EPHA6: variants seen among roughly 807,000 people sequenced by gnomAD.
EPHA6 encodes the protein EPH receptor A6, also known as ephrin type-A receptor 6.
In EPHA6, 50 loss-of-function variants were observed where a neutral mutation model predicts 112.0. The observed-to-expected ratio is 0.45, with a 90% CI of 0.36 to 0.56. The LOEUF (loss-of-function observed/expected upper bound fraction) is 0.56. EPHA6 is among the 20% of genes least tolerant of loss of function. EPHA6 has a pLI of 0.00. For synonymous variants in EPHA6, 529 were observed against 490.7 expected (o/e 1.08, Z -1.03); for missense variants, 1,280 against 1,417.4 (o/e 0.90, Z 1.56).
At chr3:97,691,639 A>T (rs1238615282) in intron 14 of EPHA6, among the ~76,000 whole-genome samples, 1 of 152,220 alleles carries the variant, frequency 6.6e-6, no homozygotes, top group Admixed American at 6.5e-5. Context: ...ATATTATCAT[A>T]AAATTCTTGC....
chr3:96,896,603 T>C (rs1448029610), intron 2 of EPHA6, among the ~76,000 whole-genome samples: 4 of 152,156 alleles, frequency 2.6e-5, no homozygotes, highest in Admixed American at 2.6e-4. Context: ...TCACGTTGCA[T>C]TGGTGTTACT....
At chr3:97,197,025 C>A (rs1293179854) in intron 3 of EPHA6, among the ~76,000 whole-genome samples, 1 of 152,000 alleles carries the variant, frequency 6.6e-6, no homozygotes, top group Non-Finnish European at 1.5e-5. Flanking sequence ...CTTCACTTAG[C>A]AGGTGACAAA....
rs1366701819 is a variant in EPHA6, at chr3:97,231,785, G to A, written c.1270+5366G>A. On this transcript the variant is annotated intron_variant, in intron 4 of 17. Transcript: ENST00000389672. ...GTATCTCAGGTAATCCCTAGGAGCT[G>A]CCCTCAGAAGAATAGATGAAATGTC... Among the ~76,000 whole-genome samples, 4 of 152,138 alleles carry A rather than the reference G, an allele frequency of 2.6e-5. No individual in the cohort carries two copies. In the East Asian group the frequency reaches 7.7e-4, roughly 29 times the overall value.
intron 11 of EPHA6, among the ~76,000 whole-genome samples, chr3:97,575,010 C>A (rs1487873045): frequency 6.6e-6 from 1 of 151,846 alleles, no homozygotes; most frequent in Non-Finnish European, 1.5e-5. Context: ...CCCCCTGAAT[C>A]TAAAATTTAA....
At position 97,760,094 on chromosome 3, in the gene EPHA6, T is replaced by C. The variant is rs2036121055; in HGVS notation, c.*11393T>C. 5.5e-6 allele frequency: 1 copy of C among 182,492 alleles called. No homozygotes were observed. The highest frequency in any genetic ancestry group is 1.2e-5 in the Non-Finnish European group (1 of 85,778). 11.3% of individuals were successfully genotyped at this position (182,492 alleles called of 1,614,324 possible). A position where few individuals can be genotyped will look rare whatever the true frequency, so the allele number is the denominator to read the frequency against. On this transcript the variant is annotated 3_prime_UTR_variant, in exon 18 of 18. Coordinates refer to ENST00000389672, the MANE Select transcript of EPHA6 (RefSeq NM_001080448.3). ...ATCCTGAAAGATGTATATTGCATAATCAACCTGTCACTTTTTTCAAACACG... is the reference window on the plus strand; with the variant it reads ...ATCCTGAAAGATGTATATTGCATAACCAACCTGTCACTTTTTTCAAACACG...
At chr3:97,532,845 A>G (rs188399978) in intron 11 of EPHA6, among the ~76,000 whole-genome samples, 2 of 152,166 alleles carry the variant, frequency 1.3e-5, no homozygotes, top group Non-Finnish European at 2.9e-5. Flanking sequence ...TGTCAATAGT[A>G]ACAGAACAAA....
At chr3:97,479,114 T>C (rs1264372309) in intron 8 of EPHA6, among the ~76,000 whole-genome samples, 180 bp from the exon 9 acceptor site, 1 of 152,152 alleles carries the variant, frequency 6.6e-6, no homozygotes, top group African/African-American at 2.4e-5. Context: ...CATTTTATTC[T>C]AGGGCTAATT....
chr3:97,058,275 T>G (rs2045912390), intron 3 of EPHA6, among the ~76,000 whole-genome samples: 1 of 151,922 alleles, frequency 6.6e-6, no homozygotes, highest in South Asian at 2.1e-4. Context: ...TAGTATCATC[T>G]AAGAGTAAGG....
At chr3:96,844,868 A>G (rs1277214361) in intron 1 of EPHA6, among the ~76,000 whole-genome samples, 1 of 151,946 alleles carries the variant, frequency 6.6e-6, no homozygotes, top group East Asian at 1.9e-4. Context: ...AGCAGGCATA[A>G]TTGTATTCTA....
intron 5 of EPHA6, among the ~76,000 whole-genome samples, chr3:97,326,848 A>G (rs1029874785): frequency 6.6e-6 from 1 of 152,124 alleles, no homozygotes; most frequent in Non-Finnish European, 1.5e-5. Context: ...CTCTGAAATT[A>G]AATGTGAACG....
intron 3 of EPHA6, among the ~76,000 whole-genome samples, chr3:97,030,039 G>A (rs1030398994): frequency 4.6e-5 from 7 of 152,174 alleles, no homozygotes; most frequent in Admixed American, 2.6e-4. Context: ...AAAGTGACAT[G>A]CAAAAAGACT....
intron 3 of EPHA6, among the ~76,000 whole-genome samples, chr3:97,047,191 A>G (rs557771428): frequency 2.0e-5 from 3 of 152,200 alleles, no homozygotes; most frequent in Non-Finnish European, 2.9e-5. Context: ...ATTTAATAAT[A>G]AATTTCTGTA....
chr3:97,479,498 T>G (rs576124313), intron 9 of EPHA6, 134 bp downstream of exon 9: 4 of 509,974 alleles, frequency 7.8e-6, no homozygotes, highest in South Asian at 1.2e-4. Flanking sequence ...TTAAGAATTT[T>G]CATCTGGTTT....
chr3:97,143,558 C>A (rs1218095792), intron 3 of EPHA6, among the ~76,000 whole-genome samples: 1 of 151,708 alleles, frequency 6.6e-6, no homozygotes, highest in Non-Finnish European at 1.5e-5. Context: ...AATATATCAT[C>A]TGGAGAGGGT....
chr3:96,844,233 A>G (rs1397372146), intron 1 of EPHA6, among the ~76,000 whole-genome samples: 1 of 151,982 alleles, frequency 6.6e-6, no homozygotes, highest in Non-Finnish European at 1.5e-5. Flanking sequence ...TGATTTCCTC[A>G]AACTATGTGT....
intron 14 of EPHA6, chr3:97,646,037 T>C (rs2094058663): frequency 1.9e-6 from 2 of 1,057,026 alleles, no homozygotes; most frequent in South Asian, 3.7e-5. Flanking sequence ...TTTAGAACAG[T>C]ATGCTACATG....
At chr3:97,166,367 T>A (rs7616052) in intron 3 of EPHA6, among the ~76,000 whole-genome samples, 2,084 of 143,238 alleles carry the variant, frequency 0.015, 51 homozygotes, top group African/African-American at 0.048. Flanking sequence ...TACTTGTTTT[T>A]AAAAAAAAAA....
chr3:96,981,542 T>C (rs900852284), intron 2 of EPHA6, among the ~76,000 whole-genome samples: 2 of 152,156 alleles, frequency 1.3e-5, no homozygotes, highest in Non-Finnish European at 2.9e-5. Context: ...TGCGAGGCTT[T>C]AGTATCAAGA....
chr3:97,502,815 A>G (rs1577596395), intron 10 of EPHA6, among the ~76,000 whole-genome samples: 1 of 132,432 alleles, frequency 7.6e-6, no homozygotes, highest in East Asian at 2.6e-4. Context: ...GGCTGGTAAA[A>G]GAGCAAGACT....
Sources: allele counts gnomAD v4.1 joint callset (sites outside exome capture counted in the v4.1 genomes callset), GRCh38; gene constraint gnomAD v4.1.1; transcripts MANE v1.5; gene names NCBI Gene and HGNC (gene_info 2026-07-23, HGNC 2026-07-21).